EPHA5: variants seen among roughly 807,000 people sequenced by gnomAD.
The protein encoded by EPHA5 is EPH receptor A5, also known as ephrin type-A receptor 5.
EPHA5 carries 60 observed loss-of-function variants against 105.0 expected under a neutral mutation model. The ratio of observed to expected loss-of-function variants is 0.57; its 90% CI spans 0.46 to 0.71. The LOEUF (loss-of-function observed/expected upper bound fraction) is 0.71, where lower values mean the gene tolerates loss of function less well. Among genes scored for constraint, EPHA5 ranks in the 30% least tolerant of loss-of-function variants. The probability of loss-of-function intolerance (pLI) is 0.00; values close to 1 mark genes in which losing one functional copy is unlikely to be tolerated. For synonymous variants in EPHA5, 513 were observed against 449.1 expected, an observed-to-expected ratio of 1.14 and a Z score of -1.80; for missense variants, 1,218 against 1,274.7, an observed-to-expected ratio of 0.96 and a Z score of 0.68.
chr4:65,588,249 G>A (rs184376606), intron 3 of EPHA5, among the ~76,000 whole-genome samples: 7 of 152,070 alleles, frequency 4.6e-5, no homozygotes, highest in South Asian at 2.1e-4. Flanking sequence ...TTACCATTCC[G>A]GTTAAAATAT....
At chr4:65,547,162 C>A (rs1039609049) in intron 3 of EPHA5, among the ~76,000 whole-genome samples, 4 of 151,890 alleles carry the variant, frequency 2.6e-5, no homozygotes, top group Non-Finnish European at 5.9e-5. Flanking sequence ...AAATGCGTCA[C>A]AAACACAGAG....
At chr4:65,589,604 C>T (rs573558643) in intron 3 of EPHA5, among the ~76,000 whole-genome samples, 17 of 152,218 alleles carry the variant, frequency 1.1e-4, no homozygotes, top group African/African-American at 3.9e-4. Flanking sequence ...TTAAGCAAAC[C>T]GGTGTTGACA....
At chr4:65,514,144 G>T (rs550732079) in intron 3 of EPHA5, among the ~76,000 whole-genome samples, 1 of 152,164 alleles carries the variant, frequency 6.6e-6, no homozygotes, top group African/African-American at 2.4e-5. Context: ...GCATAGGATA[G>T]GTCTCCCCTT....
intron 16 of EPHA5, among the ~76,000 whole-genome samples, chr4:65,326,848 A>G (rs1398889568): frequency 1.3e-5 from 2 of 151,266 alleles, no homozygotes; most frequent in Non-Finnish European, 3.0e-5. Context: ...ATTAGGAATG[A>G]GCCTTTGAAA....
Position 65,414,299 on chromosome 4 carries a change from C to G in EPHA5, c.1672G>C (p.Glu558Gln), listed in dbSNP as rs1399929876. Reference protein sequence around the residue: ...YGVFSRRFEFETTPVSVAASS... With the variant: ...YGVFSRRFEFQTTPVSVAASS... ...AATGACTTACACACTGGGGTGGTTT[C>G]AAACTCAAATCTTCGACTGAAGACA... Residue 558 changes from glutamate to glutamine, a missense_variant, in exon 7 of 17, where the codon GAA becomes CAA. Physicochemically the swap from Glu to Gln is conservative, Grantham distance 29 (BLOSUM62 2). This residue lies in a region of EPHA5 where 971 missense variants were observed against 1,013.5 expected (regional missense o/e 0.96). Transcript: ENST00000613740. 1 of 1,613,762 alleles carries G rather than the reference C, an allele frequency of 6.2e-7. No homozygotes were observed. Among genetic ancestry groups the G allele is most frequent in the East Asian group, 2.2e-5 (1 of 44,840 alleles).
Position 65,341,415 on chromosome 4 carries a change from C to T in EPHA5, c.2596-5290G>A, listed in dbSNP as rs149777403. Reference sequence around the variant, plus strand: ...CCATTGAAATTAGAAATCATCATCGCTACACTTCAACACACACCAAATAAA... The same window carrying T: ...CCATTGAAATTAGAAATCATCATCGTTACACTTCAACACACACCAAATAAA... On this transcript the variant is annotated intron_variant, in intron 14 of 16. Transcript: ENST00000613740. 2.4e-3 allele frequency among the ~76,000 whole-genome samples: 360 copies of T among 151,972 alleles called. 3 individuals carry two copies. Among genetic ancestry groups the T allele is most frequent in the African/African-American group, 8.3e-3 (344 of 41,466 alleles).
At chr4:65,353,702 A>T (rs1003751705) in intron 11 of EPHA5, among the ~76,000 whole-genome samples, 2 of 151,938 alleles carry the variant, frequency 1.3e-5, no homozygotes, top group Admixed American at 1.3e-4. Context: ...TCTAAATAAA[A>T]ACTCCATCCT....
intron 5 of EPHA5, among the ~76,000 whole-genome samples, chr4:65,453,312 G>A (rs1004429394): frequency 6.6e-6 from 1 of 152,066 alleles, no homozygotes; most frequent in African/African-American, 2.4e-5. Flanking sequence ...TTTACAATCT[G>A]TCACGTCTTT....
intron 7 of EPHA5, among the ~76,000 whole-genome samples, chr4:65,409,966 G>A (rs375594978): frequency 1.3e-4 from 20 of 152,090 alleles, no homozygotes; most frequent in African/African-American, 4.1e-4. Flanking sequence ...TGGTGGAAAC[G>A]GAAAATGATA....
At chr4:65,404,283 T>A (rs1383014017) in intron 8 of EPHA5, 91 bp downstream of exon 8, 2 of 928,544 alleles carry the variant, frequency 2.2e-6, no homozygotes, top group South Asian at 2.8e-5. Context: ...TTGCCTGATT[T>A]GTTTTGGGAT....
At chr4:65,597,142 G>A (rs895482912) in intron 3 of EPHA5, among the ~76,000 whole-genome samples, 6 of 152,214 alleles carry the variant, frequency 3.9e-5, no homozygotes, top group East Asian at 3.9e-4. Flanking sequence ...TCCTTATCCC[G>A]TATTTTAGCA....
chr4:65,362,673 A>G (rs985927450), intron 11 of EPHA5, among the ~76,000 whole-genome samples: 2 of 151,628 alleles, frequency 1.3e-5, no homozygotes, highest in Non-Finnish European at 3.0e-5. Flanking sequence ...ATTTGTTAAT[A>G]TTGACACTAG....
chr4:65,619,872 C>A (rs937781513), intron 2 of EPHA5, among the ~76,000 whole-genome samples: 21 of 151,366 alleles, frequency 1.4e-4, no homozygotes, highest in African/African-American at 5.1e-4. Flanking sequence ...CCTTATATTT[C>A]TTTCTAAAAC....
chr4:65,505,040 G>T (rs1732867327), intron 3 of EPHA5, among the ~76,000 whole-genome samples: 1 of 151,972 alleles, frequency 6.6e-6, no homozygotes, highest in Non-Finnish European at 1.5e-5. Context: ...ATATAAAAAT[G>T]TAAGCTTGTC....
chr4:65,594,489 A>C (rs1435131424), intron 3 of EPHA5, among the ~76,000 whole-genome samples: 1 of 152,194 alleles, frequency 6.6e-6, no homozygotes, highest in Non-Finnish European at 1.5e-5. Context: ...TGTTACTGTA[A>C]AGATGAGGTA....
Position 65,365,955 on chromosome 4 carries a change from G to C in EPHA5, c.1964C>G (p.Thr655Ser), listed in dbSNP as rs2148892174. Residue 655 changes from threonine to serine, a missense_variant, in exon 10 of 17, where the codon ACC (threonine) becomes AGC (serine). Transcript: ENST00000613740. Reference protein sequence around the residue: ...FAKEIEASCITIERVIGAGEF... With the variant: ...FAKEIEASCISIERVIGAGEF... Reference sequence around the variant, plus strand: ...ACCTGCTCCAATAACTCTCTCAATGGTGATACATGATGCTTCTATCTCCTT... The same window carrying C: ...ACCTGCTCCAATAACTCTCTCAATGCTGATACATGATGCTTCTATCTCCTT... 6.2e-7 allele frequency: 1 copy of C among 1,608,098 alleles called. No homozygotes were observed. The highest frequency in any genetic ancestry group is 8.5e-7 in the Non-Finnish European group (1 of 1,175,846).
At chr4:65,619,388 A>T (rs1359541139) in intron 2 of EPHA5, among the ~76,000 whole-genome samples, 1 of 152,162 alleles carries the variant, frequency 6.6e-6, no homozygotes, top group African/African-American at 2.4e-5. Flanking sequence ...ACATTTAGGC[A>T]TTTTTAAAAA....
At chr4:65,582,882 G>T (rs1741773249) in intron 3 of EPHA5, among the ~76,000 whole-genome samples, 2 of 151,676 alleles carry the variant, frequency 1.3e-5, no homozygotes, top group African/African-American at 4.8e-5. Context: ...TTACATAATA[G>T]ATGATAATTT....
intron 2 of EPHA5, among the ~76,000 whole-genome samples, chr4:65,629,242 A>G (rs527969924): frequency 6.6e-6 from 1 of 152,342 alleles, no homozygotes; most frequent in African/African-American, 2.4e-5. Context: ...ATGCAGCACA[A>G]GGACTTTCAG....
Sources: allele counts gnomAD v4.1 joint callset (sites outside exome capture counted in the v4.1 genomes callset), GRCh38; gene constraint gnomAD v4.1.1; regional missense constraint gnomAD v4.1.1; transcripts MANE v1.5; gene names NCBI Gene and HGNC (gene_info 2026-07-23, HGNC 2026-07-21).